Variants in CFAP20DC observed in about 807,000 individuals in gnomAD.
The protein encoded by CFAP20DC is protein CFAP20DC.
CFAP20DC carries 84 observed loss-of-function variants against 101.7 expected under a neutral mutation model. The ratio of observed to expected loss-of-function variants is 0.83; its 90% CI spans 0.69 to 0.99. CFAP20DC has a LOEUF of 0.99. CFAP20DC is among the 50% of genes least tolerant of loss of function. CFAP20DC has a pLI of 0.00. For missense variants in CFAP20DC, 1,007 were observed against 970.3 expected, an observed-to-expected ratio of 1.04 and a Z score of -0.50; for synonymous variants, 359 against 351.2, an observed-to-expected ratio of 1.02 and a Z score of -0.25.
chr3:58,915,474 C>G (rs1298468725), intron 5 of CFAP20DC, among the ~76,000 whole-genome samples: 1 of 152,072 alleles, frequency 6.6e-6, no homozygotes, highest in Admixed American at 6.6e-5. Context: ...CCAATCTCAA[C>G]CATTCAGCTG....
intron 4 of CFAP20DC, chr3:59,017,148 C>T (rs1481066031): frequency 6.6e-6 from 1 of 152,100 alleles, no homozygotes; most frequent in African/African-American, 2.4e-5. Flanking sequence ...ATGAGCACAA[C>T]TGAACTGAAT....
chr3:58,860,472 G>A (rs1177385756), intron 12 of CFAP20DC, among the ~76,000 whole-genome samples: 1 of 152,188 alleles, frequency 6.6e-6, no homozygotes, highest in Non-Finnish European at 1.5e-5. Context: ...ACTACAGGTA[G>A]TCAGTCCACA....
chr3:58,948,871 CT>C (rs2089712143), intron 4 of CFAP20DC, among the ~76,000 whole-genome samples: 2 of 152,182 alleles, frequency 1.3e-5, no homozygotes, highest in African/African-American at 4.8e-5. Context: ...ATGGTACCAG[CT>C]CCTCTTTGTA....
intron 4 of CFAP20DC, among the ~76,000 whole-genome samples, chr3:59,029,825 G>A (rs563694643): frequency 2.0e-5 from 3 of 152,294 alleles, no homozygotes; most frequent in African/African-American, 4.8e-5. Flanking sequence ...AGTAGCAAGC[G>A]TGGGGAGAAG....
intron 15 of CFAP20DC, among the ~76,000 whole-genome samples, chr3:58,767,187 A>G (rs1040804595): frequency 6.6e-6 from 1 of 152,180 alleles, no homozygotes; most frequent in African/African-American, 2.4e-5. Flanking sequence ...GAAAGTCTCC[A>G]TAACAATAAA....
chr3:59,031,518 C>T (rs187747910), intron 4 of CFAP20DC, among the ~76,000 whole-genome samples: 28 of 152,260 alleles, frequency 1.8e-4, no homozygotes, highest in Middle Eastern at 3.4e-3. Flanking sequence ...TTCTGCAGAA[C>T]CAGAAAGTGA....
chr3:58,875,017 T>C (rs563194824), intron 7 of CFAP20DC, among the ~76,000 whole-genome samples: 5 of 152,344 alleles, frequency 3.3e-5, no homozygotes, highest in African/African-American at 7.2e-5. Context: ...GAAATCTACC[T>C]GGGAGTTCTA....
intron 13 of CFAP20DC, among the ~76,000 whole-genome samples, chr3:58,841,200 G>C (rs747403514): frequency 8.5e-5 from 13 of 152,208 alleles, no homozygotes; most frequent in Non-Finnish European, 1.5e-4. Flanking sequence ...TCTCAAACAG[G>C]TGTTTTGAAA....
chr3:59,034,166 G>C (rs930737169), intron 4 of CFAP20DC, among the ~76,000 whole-genome samples: 10 of 152,106 alleles, frequency 6.6e-5, no homozygotes, highest in Non-Finnish European at 1.0e-4. Flanking sequence ...GTCACCACAA[G>C]GCCTGCCTTA....
At chr3:58,833,581 C>T (rs1437971866) in intron 13 of CFAP20DC, among the ~76,000 whole-genome samples, 1 of 152,014 alleles carries the variant, frequency 6.6e-6, no homozygotes, top group African/African-American at 2.4e-5. Flanking sequence ...CACGTATTGG[C>T]AAGGATGTGG....
intron 10 of CFAP20DC, 141 bp from the exon 11 acceptor site, chr3:58,866,829 A>AT: frequency 1.4e-5 from 7 of 510,194 alleles, no homozygotes; most frequent in East Asian, 3.4e-5. Flanking sequence ...AATTACATGC[A>AT]GTTTTTTTTT....
chr3:58,826,057 A>G (rs2076016094), intron 14 of CFAP20DC, among the ~76,000 whole-genome samples: 1 of 152,262 alleles, frequency 6.6e-6, no homozygotes. Context: ...TTCTGGCTTC[A>G]GACTGCAATG....
chr3:58,950,589 C>G (rs2089987081), intron 4 of CFAP20DC, among the ~76,000 whole-genome samples: 1 of 152,148 alleles, frequency 6.6e-6, no homozygotes, highest in African/African-American at 2.4e-5. Flanking sequence ...CAGAACAGAA[C>G]TCTCAGAAAT....
At chr3:59,018,045 T>G (rs2093726056) in intron 4 of CFAP20DC, 2 of 152,102 alleles carry the variant, frequency 1.3e-5, no homozygotes, top group Admixed American at 1.3e-4. Context: ...TGAAATGCAC[T>G]AATTGACCTA....
chr3:58,969,062 T>G (rs1305283040), intron 4 of CFAP20DC, among the ~76,000 whole-genome samples: 4 of 152,170 alleles, frequency 2.6e-5, no homozygotes, highest in Admixed American at 6.6e-5. Flanking sequence ...CCTCCACTGG[T>G]CTGTGTGCCT....
intron 4 of CFAP20DC, among the ~76,000 whole-genome samples, chr3:58,942,879 T>A (rs1340268961): frequency 6.6e-6 from 1 of 151,924 alleles, no homozygotes; most frequent in Non-Finnish European, 1.5e-5. Flanking sequence ...GGCACTAGAG[T>A]TTGGTGGGGG....
intron 15 of CFAP20DC, among the ~76,000 whole-genome samples, chr3:58,797,753 C>G (rs1477213221): frequency 8.0e-6 from 1 of 125,630 alleles, no homozygotes; most frequent in African/African-American, 3.5e-5. Flanking sequence ...CAGGATGACT[C>G]TGTTGTTGGG....
intron 6 of CFAP20DC, among the ~76,000 whole-genome samples, chr3:58,891,000 A>G (rs1157664748): frequency 8.5e-4 from 92 of 107,972 alleles, no homozygotes; most frequent in Middle Eastern, 5.6e-3. Flanking sequence ...AGGCAGAGAC[A>G]CTCCTCACTT....
At chr3:58,909,636 C>G (rs2083945636) in intron 6 of CFAP20DC, among the ~76,000 whole-genome samples, 1 of 152,142 alleles carries the variant, frequency 6.6e-6, no homozygotes, top group Non-Finnish European at 1.5e-5. Flanking sequence ...GTCCAAGAGT[C>G]ATCCTTTGAA....
Sources: allele counts gnomAD v4.1 joint callset (sites outside exome capture counted in the v4.1 genomes callset), GRCh38; gene constraint gnomAD v4.1.1; transcripts MANE v1.5; gene names NCBI Gene and HGNC (gene_info 2026-07-23, HGNC 2026-07-21).